The following EEF2KMT variants were observed in gnomAD, a reference collection of about 807,000 sequenced individuals.
EEF2KMT encodes the protein eukaryotic elongation factor 2 lysine methyltransferase, also known as protein-lysine N-methyltransferase EEF2KMT.
Under a neutral mutation model 35.1 loss-of-function variants are expected in EEF2KMT, and 30 were observed. That is an observed-to-expected ratio of 0.85 (90% CI 0.64 to 1.16). The LOEUF (loss-of-function observed/expected upper bound fraction) is 1.16, where lower values mean the gene tolerates loss of function less well. Ranked by LOEUF, EEF2KMT falls within the 50% of genes most tolerant of loss-of-function variation. EEF2KMT has a pLI of 0.00. For missense variants in EEF2KMT, 499 were observed against 438.2 expected, an observed-to-expected ratio of 1.14 and a Z score of -1.24; for synonymous variants, 190 against 187.7, an observed-to-expected ratio of 1.01 and a Z score of -0.10.
chr16:5,096,779 T>C (rs1455582372), intron 1 of EEF2KMT, among the ~76,000 whole-genome samples: 2 of 152,224 alleles, frequency 1.3e-5, no homozygotes, highest in South Asian at 2.1e-4. Flanking sequence ...GAGCCCAAGT[T>C]AGCATTCAGC....
chr16:5,089,019 T>TCCC (rs1215013920), intron 7 of EEF2KMT, 88 bp downstream of exon 7: 1 of 1,602,610 alleles, frequency 6.2e-7, no homozygotes, highest in African/African-American at 1.3e-5. Flanking sequence ...ACCTAGCTTT[T>TCCC]CCCCGGCACC....
chr16:5,097,651 G>T lies in EEF2KMT; in HGVS notation c.89C>A (p.Pro30His), dbSNP rs1251608202. ...FLAARTLRSF[P>H]WQSLEAKLRD... is the part of the protein sequence containing the mutation. ...GCTCGCCCCGCCGCCCACCTGCCAG[G>T]GGAAGGAGCGCAGTGTGCGTGCCGC... is the stretch of plus-strand genomic sequence containing the variant. Residue 30 changes from proline to histidine, a missense_variant, in exon 1 of 8, where the codon CCC becomes CAC. Coordinates refer to ENST00000427587, the MANE Select transcript of EEF2KMT (RefSeq NM_201400.4). The T allele has an allele frequency of 1.0e-5, 16 of 1,569,752 alleles. No homozygotes were observed. The highest frequency in any genetic ancestry group is 1.3e-5 in the Non-Finnish European group (15 of 1,164,122).
chr16:5,084,306 T>C lies in EEF2KMT; in HGVS notation c.*1326A>G. On this transcript the variant is annotated 3_prime_UTR_variant, in exon 8 of 8. Coordinates refer to ENST00000427587, the MANE Select transcript of EEF2KMT (RefSeq NM_201400.4). Reference sequence around the variant, plus strand: ...ATCTGTAGATTAAGGGGTGTGGCTTTGTTCCAATAAAACTTTATTTACAAA... The same window carrying C: ...ATCTGTAGATTAAGGGGTGTGGCTTCGTTCCAATAAAACTTTATTTACAAA... 2.9e-6 allele frequency: 1 copy of C among 348,528 alleles called. No individual in the cohort carries two copies. Among genetic ancestry groups the C allele is most frequent in the South Asian group, 2.6e-5 (1 of 38,852 alleles). The allele number at this position is 348,528 out of a possible 1,614,324, so 21.6% of individuals were successfully genotyped here. A position where few individuals can be genotyped will look rare whatever the true frequency, so the allele number is the denominator to read the frequency against.
In EEF2KMT at chr16:5,088,161, T is replaced by G. The variant is rs147106096; in HGVS notation, c.892+946A>C. 1.0e-3 allele frequency among the ~76,000 whole-genome samples: 159 copies of G among 152,226 alleles called. 2 individuals are homozygous for G. The East Asian group carries it at 0.025, about 24-fold the overall frequency. ...CCCACTATGTGGCCCAGGTTGGTCTTGAACACCTGGGGTCAAGTAGTCCTC... is the reference window on the plus strand; with the variant it reads ...CCCACTATGTGGCCCAGGTTGGTCTGGAACACCTGGGGTCAAGTAGTCCTC... On this transcript the variant is annotated intron_variant, in intron 7 of 7. Transcript: ENST00000427587.
At chr16:5,097,590 T>C in intron 1 of EEF2KMT, 54 bp downstream of exon 1, 1 of 1,528,536 alleles carries the variant, frequency 6.5e-7, no homozygotes, top group Non-Finnish European at 8.7e-7. Context: ...CCGTCCCGTC[T>C]GCCCCTGGAC....
Position 5,085,596 on chromosome 16 carries a change from T to G in EEF2KMT, c.*36A>C, listed in dbSNP as rs1567174455. ...AAAAATTCTTCCCATGAGAGTGACT[T>G]GATTCTCACAATCCCGTTGGAGTCG... On this transcript the variant is annotated 3_prime_UTR_variant, in exon 8 of 8. Transcript: ENST00000427587. The G allele has an allele frequency of 1.4e-6, 2 of 1,418,636 alleles. No homozygotes were observed. Among genetic ancestry groups the G allele is most frequent in the East Asian group, 2.3e-5 (1 of 43,930 alleles). 87.9% of individuals were successfully genotyped at this position (1,418,636 alleles called of 1,614,324 possible). A position where few individuals can be genotyped will look rare whatever the true frequency, so the allele number is the denominator to read the frequency against.
At position 5,085,171 on chromosome 16, in the gene EEF2KMT, C is replaced by T; in HGVS notation, c.*461G>A. 1 of 589,088 alleles carries T rather than the reference C, an allele frequency of 1.7e-6. No homozygotes were observed. The highest frequency in any genetic ancestry group is 2.0e-5 in the South Asian group (1 of 48,822). 36.5% of individuals were successfully genotyped at this position (589,088 alleles called of 1,614,324 possible). A position where few individuals can be genotyped will look rare whatever the true frequency, so the allele number is the denominator to read the frequency against. On this transcript the variant is annotated 3_prime_UTR_variant, in exon 8 of 8. Coordinates refer to ENST00000427587, the MANE Select transcript of EEF2KMT (RefSeq NM_201400.4). ...TGACTTCCCTGTGACCTCTGCAGAA[C>T]TCCTCATCCTGCGTTTGGTCTCCAG...
intron 7 of EEF2KMT, 57 bp downstream of exon 7, chr16:5,089,050 G>T: frequency 6.2e-7 from 1 of 1,608,900 alleles, no homozygotes; most frequent in Non-Finnish European, 8.5e-7. Flanking sequence ...ACTTCCACTG[G>T]CGTCCTGCAG....
chr16:5,093,306 C>G (rs1181645340), intron 3 of EEF2KMT, among the ~76,000 whole-genome samples, 178 bp downstream of exon 3: 1 of 152,240 alleles, frequency 6.6e-6, no homozygotes, highest in East Asian at 1.9e-4. Flanking sequence ...GCTGGCCTCC[C>G]CTTCTTCCCG....
intron 1 of EEF2KMT, 59 bp from the exon 2 acceptor site, chr16:5,095,573 C>T (rs1596281234): frequency 1.2e-6 from 2 of 1,607,940 alleles, no homozygotes; most frequent in East Asian, 2.2e-5. Flanking sequence ...ATTAAACACG[C>T]AATAGAATGT....
chr16:5,088,447 G>A (rs1957261444), intron 7 of EEF2KMT, among the ~76,000 whole-genome samples: 1 of 152,186 alleles, frequency 6.6e-6, no homozygotes, highest in South Asian at 2.1e-4. Context: ...GGGAGCTGGG[G>A]CAAAGGCTGG....
At position 5,090,124 on chromosome 16, in the gene EEF2KMT, A is replaced by G. The variant is rs758823794; in HGVS notation, c.702T>C (p.His234=). The G allele has an allele frequency of 6.2e-7, 1 of 1,609,192 alleles. No homozygotes were observed. The highest frequency in any genetic ancestry group is 8.5e-7 in the Non-Finnish European group (1 of 1,179,834). The part of the protein sequence containing the change: ...AQLDWDVATV[H]QLSAFQPDVV... ...CATCTGGCTGGAAGGCAGAGAGCTG[A>G]TGGACCGTCGCGACGTCCCAGTCCA... is the stretch of plus-strand genomic sequence containing the variant. Residue 234 remains histidine, a synonymous_variant, in exon 6 of 8, where the codon CAT becomes CAC. Transcript: ENST00000427587. This position sits in a 1 kb window ranked among gnomAD's most constrained non-coding sequence, Gnocchi z 4.1.
rs890803376 is a variant in EEF2KMT at position 5,089,492 on chromosome 16, T to C, written c.743-236A>G. The C allele has an allele frequency of 4.9e-5, 31 of 631,718 alleles. No individual in the cohort carries two copies. In the African/African-American group the frequency reaches 5.1e-4, roughly 10 times the overall value. 39.1% of individuals were successfully genotyped at this position (631,718 alleles called of 1,614,324 possible). ...AAAAAATCTCCAGACTCACTGGTGT[T>C]CCTTAAAAAACCAGCTCTGGTTCTT... On this transcript the variant is annotated intron_variant, in intron 6 of 7. Transcript: ENST00000427587.
Position 5,097,778 on chromosome 16 carries a change from G to A in EEF2KMT, c.-39C>T. On this transcript the variant is annotated 5_prime_UTR_variant, in exon 1 of 8. Coordinates refer to ENST00000427587, the MANE Select transcript of EEF2KMT (RefSeq NM_201400.4). ...CCGCAGCGTTGCCGGCAGACCGGGCGGAAGCCCGGCCTGGACTGAAGAGGG... is the reference window on the plus strand; with the variant it reads ...CCGCAGCGTTGCCGGCAGACCGGGCAGAAGCCCGGCCTGGACTGAAGAGGG... The A allele has an allele frequency of 5.9e-6, 9 of 1,535,024 alleles. No homozygotes were observed. The highest frequency in any genetic ancestry group is 1.2e-5 in the South Asian group (1 of 83,832).
rs1233240996 is a variant in EEF2KMT at position 5,097,649 on chromosome 16, A to G, written c.91T>C (p.Trp31Arg). ...CCGCTCGCCCCGCCGCCCACCTGCC[A>G]GGGGAAGGAGCGCAGTGTGCGTGCC... is the stretch of plus-strand genomic sequence containing the variant. ...LAARTLRSFP[W>R]QSLEAKLRDS... Residue 31 changes from tryptophan to arginine, a missense_variant, in exon 1 of 8, where the codon TGG becomes CGG. Coordinates refer to ENST00000427587, the MANE Select transcript of EEF2KMT (RefSeq NM_201400.4). 32 of 1,568,144 alleles carry G rather than the reference A, an allele frequency of 2.0e-5. No individual in the cohort carries two copies. The highest frequency in any genetic ancestry group is 2.5e-5 in the Non-Finnish European group (29 of 1,163,496).
At chr16:5,096,731 G>C (rs1957475882) in intron 1 of EEF2KMT, among the ~76,000 whole-genome samples, 1 of 152,224 alleles carries the variant, frequency 6.6e-6, no homozygotes, top group South Asian at 2.1e-4. Context: ...TCAAATGTGA[G>C]TGGTAATAAT....
chr16:5,095,502 T>G lies in EEF2KMT; in HGVS notation c.109A>C (p.Lys37Gln), dbSNP rs1596281129. The G allele has an allele frequency of 1.2e-6, 2 of 1,611,498 alleles. No individual in the cohort carries two copies. ...RSFPWQSLEA[K>Q]LRDSSDSELL... The stretch of plus-strand genomic sequence containing the variant: ...TCAGAATCTGATGAGTCTCTTAACT[T>G]TGCTTCTAAGCTCTGTGTGGAGGGG... Residue 37 changes from lysine (K) to glutamine (Q), a missense_variant, in exon 2 of 8, where the codon AAG becomes CAG. Physicochemically the swap from Lys to Gln is moderately conservative, Grantham distance 53 (BLOSUM62 1). Transcript: ENST00000427587.
chr16:5,089,090 T>A lies in EEF2KMT; in HGVS notation c.892+17A>T, dbSNP rs1251391143. ...AGCTCAGGGACCATGCAGGCCCGGG[T>A]GGGCGTGGAGGCTCACCTAGCTCGG... On this transcript the variant is annotated intron_variant, in intron 7 of 7. Coordinates refer to ENST00000427587, the MANE Select transcript of EEF2KMT (RefSeq NM_201400.4). The A allele has an allele frequency of 1.2e-5, 20 of 1,611,984 alleles. No individual in the cohort carries two copies. The highest frequency in any genetic ancestry group is 1.7e-5 in the Non-Finnish European group (20 of 1,179,810).
chr16:5,095,305 A>G, intron 2 of EEF2KMT, 147 bp downstream of exon 2: 7 of 1,214,864 alleles, frequency 5.8e-6, no homozygotes, highest in South Asian at 5.2e-5. Flanking sequence ...AGGTGCTGAC[A>G]CCCACCTGCA....
Sources: allele counts gnomAD v4.1 joint callset (sites outside exome capture counted in the v4.1 genomes callset), GRCh38; gene constraint gnomAD v4.1.1; non-coding constraint Gnocchi (gnomAD v3.1); transcripts MANE v1.5; gene names NCBI Gene and HGNC (gene_info 2026-07-23, HGNC 2026-07-21).